Variants in HMGB1 observed in about 807,000 individuals in gnomAD.
HMGB1 encodes the protein high mobility group box 1.
For synonymous variants in HMGB1, 81 were observed against 84.0 expected (o/e 0.96, Z 0.19); for missense variants, 79 against 253.5 (o/e 0.31, Z 4.67).
chr13:30,571,387 C>G (rs539806379), intron 1 of HMGB1, among the ~76,000 whole-genome samples: 1 of 151,842 alleles, frequency 6.6e-6, no homozygotes, highest in Non-Finnish European at 1.5e-5. Context: ...CTCCGCCTCC[C>G]GGGTTCAGGT....
intron 1 of HMGB1, among the ~76,000 whole-genome samples, chr13:30,494,602 C>T (rs1887569980): frequency 6.6e-6 from 1 of 152,216 alleles, no homozygotes; most frequent in African/African-American, 2.4e-5. Context: ...CTCAGGTGAT[C>T]CGCCCGCCTT....
intron 1 of HMGB1, among the ~76,000 whole-genome samples, chr13:30,487,247 A>T (rs139782411): frequency 1.3e-5 from 2 of 152,194 alleles, no homozygotes; most frequent in East Asian, 3.9e-4. Flanking sequence ...TACTCTTCAG[A>T]GGCCAGTGCC....
At chr13:30,573,774 C>T (rs915999076) in intron 1 of HMGB1, among the ~76,000 whole-genome samples, 1 of 152,010 alleles carries the variant, frequency 6.6e-6, no homozygotes, top group African/African-American at 2.4e-5. Context: ...CCTCGGCCTC[C>T]CAAGTAGCAG....
intron 1 of HMGB1, among the ~76,000 whole-genome samples, chr13:30,533,454 T>G (rs1888542001): frequency 6.6e-6 from 1 of 152,196 alleles, no homozygotes. Context: ...AACCTTCACC[T>G]CCTGGGTTCA....
At chr13:30,529,500 G>A (rs1268984825) in intron 1 of HMGB1, among the ~76,000 whole-genome samples, 1 of 152,130 alleles carries the variant, frequency 6.6e-6, no homozygotes, top group Non-Finnish European at 1.5e-5. Flanking sequence ...TTTCTTTATA[G>A]TTGTTTGAAA....
At chr13:30,503,033 C>G (rs1037354871) in intron 1 of HMGB1, among the ~76,000 whole-genome samples, 1 of 151,936 alleles carries the variant, frequency 6.6e-6, no homozygotes, top group Non-Finnish European at 1.5e-5. Flanking sequence ...GGGATACAAA[C>G]AAACAGATAA....
chr13:30,508,139 T>C (rs1247789166), intron 1 of HMGB1, among the ~76,000 whole-genome samples: 2 of 152,240 alleles, frequency 1.3e-5, no homozygotes, highest in Non-Finnish European at 2.9e-5. Flanking sequence ...AGGCAGGTTC[T>C]AATTCATGGA....
At chr13:30,499,179 C>T (rs1338218428) in intron 1 of HMGB1, among the ~76,000 whole-genome samples, 2 of 152,170 alleles carry the variant, frequency 1.3e-5, no homozygotes, top group African/African-American at 4.8e-5. Context: ...TCTCAAACTC[C>T]TGACCTCAGG....
At chr13:30,507,989 T>G (rs1301493333) in intron 1 of HMGB1, among the ~76,000 whole-genome samples, 11 of 151,924 alleles carry the variant, frequency 7.2e-5, no homozygotes. Flanking sequence ...AGAGTGAGAC[T>G]CTCTCTCTAA....
In HMGB1 at chr13:30,580,260, C is replaced by T. The variant is rs1870841374; in HGVS notation, c.-15+36411G>A. On this transcript the variant is annotated intron_variant, in intron 1 of 4. Coordinates refer to the HMGB1 transcript ENST00000405805. ...TGTTCAAAAAGAAATATAAGTTCTGCTTTGTTAGCCAGCAAATAGTTGCCT... is the reference window on the plus strand; with the variant it reads ...TGTTCAAAAAGAAATATAAGTTCTGTTTTGTTAGCCAGCAAATAGTTGCCT... Among the ~76,000 whole-genome samples, 3 of 152,196 alleles carry T rather than the reference C, an allele frequency of 2.0e-5. No individual in the cohort carries two copies. In the South Asian group the frequency reaches 6.2e-4, roughly 31 times the overall value.
Position 30,600,434 on chromosome 13 carries a change from C to T in HMGB1, c.-15+16237G>A, listed in dbSNP as rs115242832. Among the ~76,000 whole-genome samples, 846 of 152,054 alleles carry T rather than the reference C, an allele frequency of 5.6e-3. 12 individuals are homozygous for T. The highest frequency in any genetic ancestry group is 0.02 in the African/African-American group (809 of 41,482). On this transcript the variant is annotated intron_variant, in intron 1 of 4. Coordinates refer to the HMGB1 transcript ENST00000405805. The stretch of plus-strand genomic sequence containing the variant: ...ACAAATAGCAGGTATAAAAACATTC[C>T]GTCATCTAATAAAGCAACCCGAGAA...
At chr13:30,467,406 G>C (rs1182692019), upstream of HMGB1, among the ~76,000 whole-genome samples, 1 of 152,106 alleles carries the variant, frequency 6.6e-6, no homozygotes, top group African/African-American at 2.4e-5. Context: ...AGTAAGCTTA[G>C]ATAATCTTTC....
In HMGB1 at chr13:30,560,941, GT is replaced by G. The variant is rs200487340; in HGVS notation, c.-15+55729del. 5.5e-3 allele frequency among the ~76,000 whole-genome samples: 798 copies of G among 146,286 alleles called. 3 individuals are homozygous for G. The highest frequency in any genetic ancestry group is 8.2e-3 in the Non-Finnish European group (542 of 66,230). On this transcript the variant is annotated intron_variant, in intron 1 of 4. Coordinates refer to the HMGB1 transcript ENST00000405805. ...TCAGAACTGGCTACAGGTTATATAT[GT>G]TTTTTTTTTTTTCTCCAACAGCATA...
chr13:30,470,726 G>A (rs1886901308), upstream of HMGB1, among the ~76,000 whole-genome samples: 1 of 152,022 alleles, frequency 6.6e-6, no homozygotes, highest in South Asian at 2.1e-4. Context: ...TTGGCTCACT[G>A]CAACCTCTGC....
At chr13:30,610,706 T>C (rs1229856666) in intron 1 of HMGB1, among the ~76,000 whole-genome samples, 1 of 150,816 alleles carries the variant, frequency 6.6e-6, no homozygotes, top group Non-Finnish European at 1.5e-5. Flanking sequence ...CAAGTTTAAA[T>C]GAGATCTGTA....
chr13:30,600,730 CTAAA>C (rs1184335903), intron 1 of HMGB1, among the ~76,000 whole-genome samples: 2 of 152,104 alleles, frequency 1.3e-5, no homozygotes, highest in African/African-American at 4.8e-5. Context: ...ACTCAACTGG[CTAAA>C]TATAATGCAA....
intron 1 of HMGB1, among the ~76,000 whole-genome samples, chr13:30,586,768 A>C (rs991094140): frequency 6.6e-6 from 1 of 152,014 alleles, no homozygotes; most frequent in Non-Finnish European, 1.5e-5. Flanking sequence ...AGATATCCCA[A>C]TCTTTTTCCT....
chr13:30,550,940 T>C (rs1392905760), intron 1 of HMGB1, among the ~76,000 whole-genome samples: 2 of 152,186 alleles, frequency 1.3e-5, no homozygotes, highest in Non-Finnish European at 2.9e-5. Flanking sequence ...TGAAGGTACT[T>C]TAAGTGGCAC....
intron 1 of HMGB1, among the ~76,000 whole-genome samples, chr13:30,545,410 A>G (rs1216077974): frequency 6.6e-6 from 1 of 150,814 alleles, no homozygotes; most frequent in African/African-American, 2.4e-5. Context: ...TTATTCTGTT[A>G]TTCATATAAA....
Sources: allele counts gnomAD v4.1 joint callset (sites outside exome capture counted in the v4.1 genomes callset), GRCh38; gene constraint gnomAD v4.1.1; transcripts MANE v1.5; gene names NCBI Gene and HGNC (gene_info 2026-07-23, HGNC 2026-07-21).